PXDN: variants seen among roughly 807,000 people sequenced by gnomAD.
The protein encoded by PXDN is peroxidasin homolog.
In PXDN, 77 loss-of-function variants were observed where a neutral mutation model predicts 140.3. That is an observed-to-expected ratio of 0.55 (90% confidence interval 0.46 to 0.66). The LOEUF (loss-of-function observed/expected upper bound fraction) is 0.66. Ranked by LOEUF, PXDN falls within the 30% of genes least tolerant of loss-of-function variation. PXDN has a pLI of 0.00. For missense variants in PXDN, 1,838 were observed against 2,039.5 expected, an observed-to-expected ratio of 0.90 and a Z score of 1.90; for synonymous variants, 911 against 857.4, an observed-to-expected ratio of 1.06 and a Z score of -1.09.
At chr2:1,709,756 T>C (rs1211386691) in intron 1 of PXDN, among the ~76,000 whole-genome samples, 1 of 152,178 alleles carries the variant, frequency 6.6e-6, no homozygotes, top group Non-Finnish European at 1.5e-5. Context: ...AGCCCCATCA[T>C]GAGATTCGTG....
At chr2:1,701,597 G>T (rs1321325052) in intron 1 of PXDN, among the ~76,000 whole-genome samples, 2 of 152,160 alleles carry the variant, frequency 1.3e-5, no homozygotes, top group East Asian at 3.9e-4. Context: ...CGGGCTCAAG[G>T]TGGGAGGTGC....
chr2:1,677,772 G>A (rs1683760719), intron 7 of PXDN, among the ~76,000 whole-genome samples: 1 of 152,248 alleles, frequency 6.6e-6, no homozygotes, highest in South Asian at 2.1e-4. Flanking sequence ...CACACCAAGG[G>A]CAGGCCTAGG....
At chr2:1,686,470 A>C (rs1013139018) in intron 4 of PXDN, among the ~76,000 whole-genome samples, 2 of 152,164 alleles carry the variant, frequency 1.3e-5, no homozygotes, top group Non-Finnish European at 2.9e-5. Flanking sequence ...GGACTCACCC[A>C]GCACAAAGCC....
At chr2:1,728,799 A>G (rs1467510371) in intron 1 of PXDN, among the ~76,000 whole-genome samples, 1 of 152,230 alleles carries the variant, frequency 6.6e-6, no homozygotes, top group Admixed American at 6.5e-5. Flanking sequence ...AACAATGTAC[A>G]GAAACAAAGT....
chr2:1,653,451 G>C (rs1348530034), intron 16 of PXDN, 177 bp downstream of exon 16: 2 of 973,122 alleles, frequency 2.1e-6, no homozygotes, highest in Non-Finnish European at 3.2e-6. Flanking sequence ...ACCAAAGTGA[G>C]AGCGACAGGG....
At chr2:1,699,740 T>A (rs13411591) in intron 1 of PXDN, among the ~76,000 whole-genome samples, 49,622 of 151,072 alleles carry the variant, frequency 0.33, 9,094 homozygotes, top group Admixed American at 0.43. Context: ...CAAACAAAAA[T>A]AAATAAGAGT....
At position 1,661,004 on chromosome 2, in the gene PXDN, G is replaced by A. The variant is rs1256613354; in HGVS notation, c.1714C>T (p.His572Tyr). ...GTCAAGAATCCTTCAGGGCTGATGTGAAATTTTCCACTTTCTGTCACCTGA... is the reference window on the plus strand; with the variant it reads ...GTCAAGAATCCTTCAGGGCTGATGTAAAATTTTCCACTTTCTGTCACCTGA... ...GVQVTESGKF[H>Y]ISPEGFLTIN... The change falls in exon 14 of 23, where the codon CAC becomes TAC. Residue 572 changes from histidine to tyrosine, a missense_variant. Physicochemically the swap from His to Tyr is moderately conservative, Grantham distance 83. This residue lies in a region of PXDN where 537 missense variants were observed against 583.9 expected (regional missense o/e 0.92). Transcript: ENST00000252804. 1.2e-6 allele frequency: 2 copies of A among 1,613,846 alleles called. No homozygotes were observed. Among genetic ancestry groups the A allele is most frequent in the African/African-American group, 1.3e-5 (1 of 74,902 alleles).
chr2:1,680,786 G>A (rs568705644), intron 6 of PXDN, among the ~76,000 whole-genome samples: 5 of 152,278 alleles, frequency 3.3e-5, no homozygotes, highest in African/African-American at 7.2e-5. Context: ...GTCACTCAAC[G>A]CCCATCATCA....
intron 18 of PXDN, among the ~76,000 whole-genome samples, chr2:1,644,092 AAAAAAAG>A (rs1682795339): frequency 4.0e-5 from 6 of 150,430 alleles, no homozygotes; most frequent in Admixed American, 3.3e-4. Context: ...AAAAAAAAAA[AAAAAAAG>A]AACGACAGTG....
At chr2:1,684,796 A>G (rs530712260) in intron 4 of PXDN, among the ~76,000 whole-genome samples, 2 of 152,312 alleles carry the variant, frequency 1.3e-5, no homozygotes, top group Non-Finnish European at 2.9e-5. Flanking sequence ...CTTTTGATAT[A>G]ACTCATTCTT....
chr2:1,638,884 G>A lies in PXDN; in HGVS notation c.4168C>T (p.Leu1390=), dbSNP rs772719835. ...TCTGTGATGGTCTTCTGCATTTCCA[G>A]AACAAACTCTCTGAAGTCATTTGTC... is the stretch of plus-strand genomic sequence containing the variant. ...SGTNDFREFV[L]EMQKTITDLR... Residue 1390 remains leucine, a synonymous_variant, in exon 21 of 23, where the codon CTG becomes TTG. Coordinates refer to ENST00000252804, the MANE Select transcript of PXDN (RefSeq NM_012293.3). The A allele has an allele frequency of 6.2e-7, 1 of 1,614,018 alleles. No individual in the cohort carries two copies. The highest frequency in any genetic ancestry group is 2.2e-5 in the East Asian group (1 of 44,878).
rs149438844 is a variant in PXDN, at chr2:1,666,070, G to A, written c.1291+144C>T. On this transcript the variant is annotated intron_variant, in intron 10 of 22. Coordinates refer to ENST00000252804, the MANE Select transcript of PXDN (RefSeq NM_012293.3). ...TGCAGTCGTCTGTATTTAGTCCAAG[G>A]GGGGTGTAATGGATAAAAATCAACC... 156 of 1,160,434 alleles carry A rather than the reference G, an allele frequency of 1.3e-4. 3 individuals are homozygous for A. The highest frequency in any genetic ancestry group is 8.4e-4 in the Middle Eastern group (3 of 3,568). 71.9% of individuals were successfully genotyped at this position (1,160,434 alleles called of 1,614,324 possible). A position where few individuals can be genotyped will look rare whatever the true frequency, so the allele number is the denominator to read the frequency against.
At chr2:1,733,157 A>T (rs1263581489) in intron 1 of PXDN, among the ~76,000 whole-genome samples, 1 of 152,216 alleles carries the variant, frequency 6.6e-6, no homozygotes, top group Non-Finnish European at 1.5e-5. Context: ...GGGGACAGAA[A>T]ACATATCTGA....
intron 1 of PXDN, 144 bp downstream of exon 1, chr2:1,744,112 C>A: frequency 1.1e-6 from 1 of 906,486 alleles, no homozygotes; most frequent in Non-Finnish European, 1.5e-6. Context: ...TCGGAGGTTC[C>A]CTTCTGCGTC....
intron 1 of PXDN, among the ~76,000 whole-genome samples, chr2:1,702,223 T>TGGA (rs1311090176): frequency 1.3e-5 from 2 of 151,918 alleles, no homozygotes; most frequent in Admixed American, 1.3e-4. Flanking sequence ...GAGGCTTGAG[T>TGGA]GGAGTGAAGA....
chr2:1,718,934 G>A (rs1030528556), intron 1 of PXDN, among the ~76,000 whole-genome samples: 16 of 152,264 alleles, frequency 1.1e-4, no homozygotes, highest in African/African-American at 2.4e-4. Flanking sequence ...TCTTATGGCC[G>A]TGGAGGAAGC....
At chr2:1,743,104 T>G (rs886773698) in intron 1 of PXDN, among the ~76,000 whole-genome samples, 1 of 152,182 alleles carries the variant, frequency 6.6e-6, no homozygotes, top group Non-Finnish European at 1.5e-5. Context: ...CCCGAAAATG[T>G]TGAATCCGAC....
intron 17 of PXDN, among the ~76,000 whole-genome samples, chr2:1,645,282 G>T (rs990039106): frequency 6.6e-6 from 1 of 152,148 alleles, no homozygotes. Flanking sequence ...AGGTTTATGT[G>T]TTCAAGAACA....
chr2:1,641,014 T>G lies in PXDN; in HGVS notation c.3953-1592A>C, dbSNP rs35099141. Among the ~76,000 whole-genome samples the G allele has an allele frequency of 2.6e-3, 402 of 152,312 alleles. 3 individuals are homozygous for G. Among genetic ancestry groups the G allele is most frequent in the African/African-American group, 9.3e-3 (386 of 41,572 alleles). ...AGCGGCCTGGCCTGCACCTGCTCTG[T>G]GCTGCCCAGGCTGGCCAAGCCAGGA... is the stretch of plus-strand genomic sequence containing the variant. On this transcript the variant is annotated intron_variant, in intron 19 of 22. Transcript: ENST00000252804.
Sources: allele counts gnomAD v4.1 joint callset (sites outside exome capture counted in the v4.1 genomes callset), GRCh38; gene constraint gnomAD v4.1.1; regional missense constraint gnomAD v4.1.1; transcripts MANE v1.5; gene names NCBI Gene and HGNC (gene_info 2026-07-23, HGNC 2026-07-21).